Variants in PEX3 observed in about 807,000 individuals in gnomAD.
The protein encoded by PEX3 is peroxin-3.
A neutral mutation model predicts 55.8 loss-of-function variants in PEX3; 30 were observed. That is an observed-to-expected ratio of 0.54 (90% CI 0.40 to 0.73). PEX3 has a LOEUF of 0.73. Ranked by LOEUF, PEX3 falls within the 30% of genes least tolerant of loss-of-function variation. PEX3 has a pLI of 0.00. For synonymous variants in PEX3, 135 were observed against 148.4 expected (o/e 0.91, Z 0.66); for missense variants, 351 against 432.8 (o/e 0.81, Z 1.68).
rs1420511276 is a variant in PEX3, at chr6:143,489,545, A to AT, written c.*319_*320insT. On this transcript the variant is annotated 3_prime_UTR_variant, in exon 12 of 12. Transcript: ENST00000367591. This position sits in a 1 kb window ranked among gnomAD's most constrained non-coding sequence, Gnocchi z 5.5. ...TATTTTATATACATATATATATATA[A>AT]AAATACAAAATTCAGTGTACTTTAC... 878 of 153,628 alleles carry AT rather than the reference A, an allele frequency of 5.7e-3. 4 individuals are homozygous for AT. The highest frequency in any genetic ancestry group is 7.6e-3 in the Non-Finnish European group (535 of 70,710). 9.5% of individuals were successfully genotyped at this position (153,628 alleles called of 1,614,324 possible). A position where few individuals can be genotyped will look rare whatever the true frequency, so the allele number is the denominator to read the frequency against.
rs161065 is a variant in PEX3, at chr6:143,475,124, G to C, written c.818+268G>C. Among the ~76,000 whole-genome samples the C allele has an allele frequency of 0.68, 103,648 of 151,860 alleles. 35,681 individuals carry two copies. The highest frequency in any genetic ancestry group is 0.76 in the African/African-American group (31,641 of 41,426). ...CCTCAGTAGGATTGTCCACTTTTTT[G>C]TTATTCAGATTTCCACCTCATCATT... On this transcript the variant is annotated intron_variant, in intron 9 of 11. Transcript: ENST00000367591. This position sits in a 1 kb window ranked among gnomAD's most constrained non-coding sequence, Gnocchi z 4.4.
rs1275725692 is a variant in PEX3 at position 143,465,718 on chromosome 6, C to A, written c.288-2404C>A. On this transcript the variant is annotated intron_variant, in intron 3 of 11. Transcript: ENST00000367591. This position sits in a 1 kb window ranked among gnomAD's most constrained non-coding sequence, Gnocchi z 4.7. Reference sequence around the variant, plus strand: ...GACATTCTGCCGTGAGTCTTGAACACTAGATTAGATTAAGGTTGCAGCAGT... The same window carrying A: ...GACATTCTGCCGTGAGTCTTGAACAATAGATTAGATTAAGGTTGCAGCAGT... 6.6e-6 allele frequency among the ~76,000 whole-genome samples: 1 copy of A among 151,970 alleles called. No individual in the cohort carries two copies. The highest frequency in any genetic ancestry group is 1.5e-5 in the Non-Finnish European group (1 of 67,898).
chr6:143,479,013 C>T lies in PEX3; in HGVS notation c.819-63C>T. Reference sequence around the variant, plus strand: ...GCTTTCAAAGGTAACCACGTTATTACTGAATTTGTTTTCTCTTCCATTCAG... The same window carrying T: ...GCTTTCAAAGGTAACCACGTTATTATTGAATTTGTTTTCTCTTCCATTCAG... On this transcript the variant is annotated intron_variant, in intron 9 of 11. Coordinates refer to ENST00000367591, the MANE Select transcript of PEX3 (RefSeq NM_003630.3). This position sits in a 1 kb window ranked among gnomAD's most constrained non-coding sequence, Gnocchi z 4.6. 9.8e-7 allele frequency: 1 copy of T among 1,025,198 alleles called. No individual in the cohort carries two copies. Among genetic ancestry groups the T allele is most frequent in the Non-Finnish European group, 1.5e-6 (1 of 649,406 alleles). 63.5% of individuals were successfully genotyped at this position (1,025,198 alleles called of 1,614,324 possible). A position where few individuals can be genotyped will look rare whatever the true frequency, so the allele number is the denominator to read the frequency against.
Position 143,471,631 on chromosome 6 carries a change from C to G in PEX3, c.578+20C>G. ...AGGAAGGTAAGGCATTTTTCTTTGA[C>G]TTTTCTGACTTCTTGATTCTAATGA... is the stretch of plus-strand genomic sequence containing the variant. On this transcript the variant is annotated intron_variant, in intron 7 of 11. Transcript: ENST00000367591. The surrounding 1 kb of genome is among the most constrained non-coding windows in gnomAD (Gnocchi z 5.4). 6.4e-7 allele frequency: 1 copy of G among 1,568,970 alleles called. No homozygotes were observed. Among genetic ancestry groups the G allele is most frequent in the South Asian group, 1.1e-5 (1 of 90,088 alleles).
At chr6:143,478,053 A>G (rs1780177678) in intron 9 of PEX3, among the ~76,000 whole-genome samples, 1 of 152,168 alleles carries the variant, frequency 6.6e-6, no homozygotes, top group South Asian at 2.1e-4. Flanking sequence ...AAAGGATAAA[A>G]TCTGATGTAT....
rs1371552917 is a variant in PEX3 at position 143,488,005 on chromosome 6, C to T, written c.1039-1138C>T. On this transcript the variant is annotated intron_variant, in intron 11 of 11. Transcript: ENST00000367591. This position sits in a 1 kb window ranked among gnomAD's most constrained non-coding sequence, Gnocchi z 4.9. ...TAGAAATCAAAACACAAAATTTCCCCTCAAATTCTTGGGCCCCTGAAAGTA... is the reference window on the plus strand; with the variant it reads ...TAGAAATCAAAACACAAAATTTCCCTTCAAATTCTTGGGCCCCTGAAAGTA... Among the ~76,000 whole-genome samples, 1 of 152,046 alleles carries T rather than the reference C, an allele frequency of 6.6e-6. No homozygotes were observed. Among genetic ancestry groups the T allele is most frequent in the African/African-American group, 2.4e-5 (1 of 41,416 alleles).
At chr6:143,456,941 T>C (rs559083650) in intron 1 of PEX3, among the ~76,000 whole-genome samples, 38 of 152,318 alleles carry the variant, frequency 2.5e-4, no homozygotes, top group African/African-American at 9.1e-4. Context: ...TACACACTTA[T>C]ATCATACTGC....
In PEX3 at chr6:143,479,161, A is replaced by C; in HGVS notation, c.904A>C (p.Thr302Pro). Residue 302 changes from threonine to proline, a missense_variant, in exon 10 of 12, where the codon ACT becomes CCT. Coordinates refer to ENST00000367591, the MANE Select transcript of PEX3 (RefSeq NM_003630.3). This position sits in a 1 kb window ranked among gnomAD's most constrained non-coding sequence, Gnocchi z 4.6. Reference sequence around the variant, plus strand: ...CAATATGGCTGAGTTCTTTCGACCTACTGAACAGGACCTGCAACATGGTAA... The same window carrying C: ...CAATATGGCTGAGTTCTTTCGACCTCCTGAACAGGACCTGCAACATGGTAA... Reference protein sequence around the residue: ...LDNMAEFFRPTEQDLQHGNSM... With the variant: ...LDNMAEFFRPPEQDLQHGNSM... 6.2e-7 allele frequency: 1 copy of C among 1,605,328 alleles called. No individual in the cohort carries two copies. The highest frequency in any genetic ancestry group is 8.5e-7 in the Non-Finnish European group (1 of 1,172,192).
rs752833595 is a variant in PEX3 at position 143,471,340 on chromosome 6, GT to G, written c.457-40del. ...TATTGAAAACATTTCTTATTTACCA[GT>G]TTAAAACTTGGATAATTGAACTGTA... On this transcript the variant is annotated intron_variant, in intron 5 of 11. Coordinates refer to ENST00000367591, the MANE Select transcript of PEX3 (RefSeq NM_003630.3). This position sits in a 1 kb window ranked among gnomAD's most constrained non-coding sequence, Gnocchi z 5.4. 2.2e-6 allele frequency: 3 copies of G among 1,392,150 alleles called. No homozygotes were observed. Among genetic ancestry groups the G allele is most frequent in the Non-Finnish European group, 3.1e-6 (3 of 980,188 alleles). 86.2% of individuals were successfully genotyped at this position (1,392,150 alleles called of 1,614,324 possible).
rs901989855 is a variant in PEX3, at chr6:143,451,081, A to G, written c.39A>G (p.Lys13=). 31 of 1,613,680 alleles carry G rather than the reference A, an allele frequency of 1.9e-5. No individual in the cohort carries two copies. The highest frequency in any genetic ancestry group is 2.5e-5 in the Non-Finnish European group (29 of 1,179,766). ...RSVWNFLKRH[K]KKCIFLGTVL... ...TATGGAATTTTCTGAAACGCCACAA[A>G]AAGAAATGCATCTTCCTGGGCACGG... Residue 13 remains lysine (K), a synonymous_variant, in exon 1 of 12, where the codon AAA becomes AAG. Transcript: ENST00000367591. This position sits in a 1 kb window ranked among gnomAD's most constrained non-coding sequence, Gnocchi z 4.1.
intron 3 of PEX3, among the ~76,000 whole-genome samples, chr6:143,467,609 A>G (rs553149844): frequency 5.9e-5 from 9 of 152,276 alleles, no homozygotes; most frequent in Admixed American, 3.9e-4. Flanking sequence ...AAAGACTAAT[A>G]AAAGATTATA....
In PEX3 at chr6:143,483,964, GC is replaced by G. The variant is rs2128747905; in HGVS notation, c.942-1187del. Among the ~76,000 whole-genome samples the G allele has an allele frequency of 6.6e-6, 1 of 151,960 alleles. No homozygotes were observed. Among genetic ancestry groups the G allele is most frequent in the East Asian group, 1.9e-4 (1 of 5,166 alleles). On this transcript the variant is annotated intron_variant, in intron 10 of 11. Coordinates refer to ENST00000367591, the MANE Select transcript of PEX3 (RefSeq NM_003630.3). This position sits in a 1 kb window ranked among gnomAD's most constrained non-coding sequence, Gnocchi z 4.3. ...AGGTACCATGAAAAAAAAAATGCCT[GC>G]TTCCCTCAGGAATACATAAATCTTC...
At chr6:143,474,469 A>C (rs978528468) in intron 8 of PEX3, among the ~76,000 whole-genome samples, 3 of 152,120 alleles carry the variant, frequency 2.0e-5, no homozygotes, top group Admixed American at 6.5e-5. Context: ...AAAAAAAAAA[A>C]AAAAAACCCA....
At chr6:143,456,564 G>A (rs1422176068) in intron 1 of PEX3, among the ~76,000 whole-genome samples, 1 of 152,192 alleles carries the variant, frequency 6.6e-6, no homozygotes, top group Non-Finnish European at 1.5e-5. Context: ...TCTGCAGAGT[G>A]TAAGGGAAAG....
chr6:143,490,542 C>A lies in PEX3; in HGVS notation c.*1316C>A. ...GGCTGTGCCACTCACATATGCTAAT[C>A]TTGGCAAATCTGCCAAGCATGTCTT... is the stretch of plus-strand genomic sequence containing the variant. On this transcript the variant is annotated 3_prime_UTR_variant, in exon 12 of 12. Coordinates refer to ENST00000367591, the MANE Select transcript of PEX3 (RefSeq NM_003630.3). This position sits in a 1 kb window ranked among gnomAD's most constrained non-coding sequence, Gnocchi z 6.0. 2.3e-6 allele frequency: 1 copy of A among 434,314 alleles called. No individual in the cohort carries two copies. The highest frequency in any genetic ancestry group is 3.9e-6 in the Non-Finnish European group (1 of 254,468). The allele number at this position is 434,314 out of a possible 1,614,324, so 26.9% of individuals were successfully genotyped here.
chr6:143,469,779 A>G (rs1219128186), intron 4 of PEX3, among the ~76,000 whole-genome samples: 1 of 152,116 alleles, frequency 6.6e-6, no homozygotes, highest in Non-Finnish European at 1.5e-5. Context: ...GGTATTGCCT[A>G]GGTTTTCTTC....
At position 143,475,088 on chromosome 6, in the gene PEX3, CTT is replaced by C. The variant is rs1267885620; in HGVS notation, c.818+235_818+236del. On this transcript the variant is annotated intron_variant, in intron 9 of 11. Transcript: ENST00000367591. The surrounding 1 kb of genome is among the most constrained non-coding windows in gnomAD (Gnocchi z 4.4). Reference sequence around the variant, plus strand: ...CTATCTGAATTCATCGAGTTCCAGTCTTTTGTTTTTCCTCAGTAGGATTGTCC... The same window carrying C: ...CTATCTGAATTCATCGAGTTCCAGTCTTGTTTTTCCTCAGTAGGATTGTCC... Among the ~76,000 whole-genome samples, 3 of 152,124 alleles carry C rather than the reference CTT, an allele frequency of 2.0e-5. No homozygotes were observed. The highest frequency in any genetic ancestry group is 4.4e-5 in the Non-Finnish European group (3 of 68,016).
chr6:143,473,755 C>G (rs1402192220), intron 8 of PEX3, among the ~76,000 whole-genome samples: 1 of 151,706 alleles, frequency 6.6e-6, no homozygotes, highest in African/African-American at 2.4e-5. Context: ...GGCTATAGTC[C>G]CAGCTACTCA....
At chr6:143,467,496 G>A (rs1048998546) in intron 3 of PEX3, among the ~76,000 whole-genome samples, 1 of 152,068 alleles carries the variant, frequency 6.6e-6, no homozygotes, top group African/African-American at 2.4e-5. Context: ...TTCCTGCTAT[G>A]AGAAAACAGG....
Sources: gnomAD v4.1 joint callset for allele counts (sites outside exome capture counted in the v4.1 genomes callset) on GRCh38, gnomAD v4.1.1 for gene constraint, Gnocchi (gnomAD v3.1) non-coding constraint, MANE v1.5 for transcripts, NCBI Gene and HGNC (gene_info 2026-07-23, HGNC 2026-07-21) for gene names.